Variants in WWOX observed in about 807,000 individuals in gnomAD.
WWOX encodes the protein WW domain-containing oxidoreductase.
WWOX carries 69 observed loss-of-function variants against 46.2 expected under a neutral mutation model. The observed-to-expected ratio is 1.49, with a 90% CI of 1.23 to 1.82. The LOEUF is 1.82. WWOX is among the 40% of genes most tolerant of loss of function. WWOX has a pLI of 0.00. For missense variants in WWOX, 919 were observed against 542.6 expected (o/e 1.69, Z -6.89); for synonymous variants, 359 against 202.6 (o/e 1.77, Z -6.56).
intron 8 of WWOX, among the ~76,000 whole-genome samples, chr16:79,037,664 G>T (rs1202838500): frequency 1.3e-5 from 2 of 152,194 alleles, no homozygotes; most frequent in African/African-American, 2.4e-5. Flanking sequence ...AACCTTAGTT[G>T]TTAGTGAAAG....
At chr16:79,135,047 A>T (rs1022530002) in intron 8 of WWOX, among the ~76,000 whole-genome samples, 1 of 152,338 alleles carries the variant, frequency 6.6e-6, no homozygotes, top group East Asian at 1.9e-4. Context: ...TCTCTTATAA[A>T]TAAAAAATAT....
At chr16:78,767,170 G>T (rs1421988862) in intron 8 of WWOX, among the ~76,000 whole-genome samples, 2 of 151,012 alleles carry the variant, frequency 1.3e-5, no homozygotes, top group Admixed American at 1.3e-4. Context: ...GCCCAGGCTG[G>T]GGTGCAGTGG....
intron 8 of WWOX, among the ~76,000 whole-genome samples, chr16:78,908,332 G>A (rs2045019778): frequency 6.6e-6 from 1 of 152,090 alleles, no homozygotes; most frequent in South Asian, 2.1e-4. Context: ...CTGAGGTCAG[G>A]AGTTTGAGAC....
chr16:78,458,568 T>C (rs2083881735), intron 8 of WWOX, among the ~76,000 whole-genome samples: 1 of 152,178 alleles, frequency 6.6e-6, no homozygotes. Context: ...GCCATTGGTA[T>C]ACCATTGTTT....
chr16:78,558,825 C>T (rs75569629), intron 8 of WWOX, among the ~76,000 whole-genome samples: 8,790 of 152,272 alleles, frequency 0.058, 312 homozygotes, highest in Non-Finnish European at 0.082. Context: ...GTGGCTCTTT[C>T]GGAAGACTTG....
chr16:78,190,630 C>A (rs2035855621), intron 5 of WWOX, among the ~76,000 whole-genome samples: 2 of 152,270 alleles, frequency 1.3e-5, no homozygotes, highest in South Asian at 2.1e-4. Context: ...TCAGATCCTG[C>A]ATCCTTTCAG....
chr16:78,506,728 T>TTTTTTTTTTTTTTTTTTTTTTTTTG (rs1330915138), intron 8 of WWOX, among the ~76,000 whole-genome samples: 3 of 93,630 alleles, frequency 3.2e-5, no homozygotes, highest in Non-Finnish European at 4.5e-5. Context: ...TTTTTTTTTT[T>TTTTTTTTTTTTTTTTTTTTTTTTTG]GTACAGAGTC....
chr16:78,559,795 C>G (rs142244381), intron 8 of WWOX, among the ~76,000 whole-genome samples: 44 of 152,342 alleles, frequency 2.9e-4, no homozygotes, highest in African/African-American at 9.9e-4. Context: ...CAGGACAATT[C>G]TCAGCCCATT....
At chr16:78,622,240 C>T (rs968666470) in intron 8 of WWOX, among the ~76,000 whole-genome samples, 4 of 152,218 alleles carry the variant, frequency 2.6e-5, no homozygotes, top group African/African-American at 9.6e-5. Context: ...TGACCCTACT[C>T]TGATAAAAGT....
chr16:78,545,831 G>A (rs1816692554), intron 8 of WWOX, among the ~76,000 whole-genome samples: 1 of 151,998 alleles, frequency 6.6e-6, no homozygotes, highest in Non-Finnish European at 1.5e-5. Context: ...GTCCTCACGT[G>A]GCCTTCCGTC....
At chr16:78,631,789 G>T (rs901981057) in intron 8 of WWOX, among the ~76,000 whole-genome samples, 1 of 152,110 alleles carries the variant, frequency 6.6e-6, no homozygotes, top group Non-Finnish European at 1.5e-5. Flanking sequence ...GTCTCCCAAA[G>T]TGTTGGGATT....
intron 5 of WWOX, among the ~76,000 whole-genome samples, chr16:78,212,327 A>T (rs772825472): frequency 1.3e-4 from 20 of 152,238 alleles, no homozygotes; most frequent in African/African-American, 4.6e-4. Flanking sequence ...AACAATTTGC[A>T]TTGGCGAAAG....
intron 8 of WWOX, among the ~76,000 whole-genome samples, chr16:78,767,080 C>G (rs1310042171): frequency 2.8e-5 from 4 of 143,424 alleles, no homozygotes; most frequent in Non-Finnish European, 4.6e-5. Context: ...CTCCCTCCCT[C>G]CTTCTCTCTC....
At chr16:78,723,041 C>G (rs2048731829) in intron 8 of WWOX, among the ~76,000 whole-genome samples, 1 of 151,788 alleles carries the variant, frequency 6.6e-6, no homozygotes, top group Non-Finnish European at 1.5e-5. Flanking sequence ...GATTTTGTCT[C>G]AAAAAAGAAA....
At chr16:78,600,241 G>C (rs922247564) in intron 8 of WWOX, among the ~76,000 whole-genome samples, 3 of 152,012 alleles carry the variant, frequency 2.0e-5, no homozygotes, top group Non-Finnish European at 4.4e-5. Context: ...TTGTGGGAGC[G>C]ACAGTTCAAG....
intron 8 of WWOX, among the ~76,000 whole-genome samples, chr16:78,639,375 A>G (rs2046649583): frequency 6.6e-6 from 1 of 152,174 alleles, no homozygotes; most frequent in African/African-American, 2.4e-5. Context: ...ACCTCATAAC[A>G]GACCTGTGGG....
chr16:78,987,000 A>G (rs187227553), intron 8 of WWOX, among the ~76,000 whole-genome samples: 3 of 152,208 alleles, frequency 2.0e-5, no homozygotes, highest in Admixed American at 2.0e-4. Flanking sequence ...CACACGGAGC[A>G]GAGAGGGATC....
chr16:78,461,058 T>C (rs1009205543), intron 8 of WWOX, among the ~76,000 whole-genome samples: 1 of 152,242 alleles, frequency 6.6e-6, no homozygotes, highest in Non-Finnish European at 1.5e-5. Context: ...TGTTGAAGTG[T>C]ATGACTATTA....
At chr16:78,306,185 A>G (rs1567488995) in intron 5 of WWOX, among the ~76,000 whole-genome samples, 1 of 152,194 alleles carries the variant, frequency 6.6e-6, no homozygotes, top group Non-Finnish European at 1.5e-5. Flanking sequence ...TTCTTCATCC[A>G]AAGAAAGAAC....
Sources: allele counts gnomAD v4.1 joint callset (sites outside exome capture counted in the v4.1 genomes callset), GRCh38; gene constraint gnomAD v4.1.1; transcripts MANE v1.5; gene names NCBI Gene and HGNC (gene_info 2026-07-23, HGNC 2026-07-21).